Variants in RABGAP1L observed in about 807,000 individuals in gnomAD.
RABGAP1L encodes RAB GTPase activating protein 1 like.
In RABGAP1L, 63 loss-of-function variants were observed where a neutral mutation model predicts 137.7. The observed-to-expected ratio is 0.46, with a 90% confidence interval of 0.37 to 0.56. The LOEUF is 0.56. Ranked by LOEUF, RABGAP1L falls within the 20% of genes least tolerant of loss-of-function variation. The pLI is 0.00. For missense variants in RABGAP1L, 1,095 were observed against 1,244.0 expected (o/e 0.88, Z 1.80); for synonymous variants, 431 against 433.7 (o/e 0.99, Z 0.08).
In RABGAP1L at chr1:174,362,116, A is replaced by T. The variant is rs562952768; in HGVS notation, c.1466-8863A>T. 2.0e-5 allele frequency among the ~76,000 whole-genome samples: 3 copies of T among 151,860 alleles called. No homozygotes were observed. In the East Asian group the frequency reaches 5.8e-4, roughly 29 times the overall value. On this transcript the variant is annotated intron_variant, in intron 11 of 25. Coordinates refer to ENST00000681986, the MANE Select transcript of RABGAP1L (RefSeq NM_001366446.1). ...ATGTCCCTGCAAAGGACATGATCTC[A>T]TTTTTTTTATGGCTACATATTATTC...
intron 13 of RABGAP1L, among the ~76,000 whole-genome samples, chr1:174,621,261 G>T (rs1327307394): frequency 1.3e-5 from 2 of 152,160 alleles, no homozygotes; most frequent in African/African-American, 4.8e-5. Flanking sequence ...TCAATATCGT[G>T]AAAATGGCCA....
chr1:174,536,447 C>T (rs1346141797), intron 13 of RABGAP1L, among the ~76,000 whole-genome samples: 1 of 151,914 alleles, frequency 6.6e-6, no homozygotes, highest in Non-Finnish European at 1.5e-5. Context: ...GAAATTTTGA[C>T]ACATTTCCAG....
intron 13 of RABGAP1L, among the ~76,000 whole-genome samples, chr1:174,584,836 G>T (rs1021053374): frequency 4.5e-5 from 5 of 110,088 alleles, no homozygotes; most frequent in Non-Finnish European, 6.9e-5. Flanking sequence ...GTATGTGTAT[G>T]TGTTTTTTTT....
intron 19 of RABGAP1L, among the ~76,000 whole-genome samples, chr1:174,879,755 A>G (rs547433252): frequency 6.6e-6 from 1 of 152,302 alleles, no homozygotes; most frequent in Non-Finnish European, 1.5e-5. Flanking sequence ...AAAGATTTGC[A>G]AAAAGCAAAA....
intron 13 of RABGAP1L, among the ~76,000 whole-genome samples, chr1:174,456,992 T>A (rs552012110): frequency 6.6e-6 from 1 of 152,302 alleles, no homozygotes; most frequent in South Asian, 2.1e-4. Flanking sequence ...TAAATTGTGG[T>A]TCTATAATAG....
intron 10 of RABGAP1L, among the ~76,000 whole-genome samples, chr1:174,296,184 G>A (rs1677113781): frequency 6.6e-6 from 1 of 152,170 alleles, no homozygotes; most frequent in Non-Finnish European, 1.5e-5. Context: ...AGCTTATTTA[G>A]GGATTTAATT....
intron 11 of RABGAP1L, among the ~76,000 whole-genome samples, chr1:174,362,590 G>A (rs1684241878): frequency 6.6e-6 from 1 of 152,080 alleles, no homozygotes; most frequent in South Asian, 2.1e-4. Flanking sequence ...TTTGAGAGAT[G>A]TTCGTTCATG....
intron 19 of RABGAP1L, among the ~76,000 whole-genome samples, chr1:174,942,645 T>C (rs1381897233): frequency 6.6e-6 from 1 of 152,208 alleles, no homozygotes; most frequent in Admixed American, 6.5e-5. Context: ...GAGGCTAAAA[T>C]GAATTCATAC....
chr1:174,953,035 C>A (rs1187259438), intron 19 of RABGAP1L, among the ~76,000 whole-genome samples: 1,712 of 95,732 alleles, frequency 0.018, no homozygotes, highest in Non-Finnish European at 0.02. Context: ...GGGTGGCATG[C>A]AAAAAAAAAA....
At chr1:174,493,712 T>A (rs1009361141) in intron 13 of RABGAP1L, among the ~76,000 whole-genome samples, 2 of 151,212 alleles carry the variant, frequency 1.3e-5, no homozygotes, top group African/African-American at 4.9e-5. Flanking sequence ...TTTCAGCTAC[T>A]TGGGAGGCTG....
intron 19 of RABGAP1L, among the ~76,000 whole-genome samples, chr1:174,854,285 G>A (rs1648879581): frequency 6.6e-6 from 1 of 152,086 alleles, no homozygotes; most frequent in Non-Finnish European, 1.5e-5. Context: ...TTGACTTCAT[G>A]AATGAATAGT....
At chr1:174,406,291 T>C (rs1051114478) in intron 13 of RABGAP1L, among the ~76,000 whole-genome samples, 1 of 152,194 alleles carries the variant, frequency 6.6e-6, no homozygotes, top group Non-Finnish European at 1.5e-5. Flanking sequence ...AGTATTTTCA[T>C]GTACTTAAGT....
At chr1:174,817,156 T>C (rs1283795184) in intron 19 of RABGAP1L, among the ~76,000 whole-genome samples, 1 of 152,234 alleles carries the variant, frequency 6.6e-6, no homozygotes, top group African/African-American at 2.4e-5. Flanking sequence ...AAATTTTCTG[T>C]TGGTAGAGCT....
chr1:174,465,285 C>T (rs759307395), intron 13 of RABGAP1L, among the ~76,000 whole-genome samples: 4 of 152,252 alleles, frequency 2.6e-5, no homozygotes, highest in East Asian at 1.9e-4. Context: ...CTGTGACCTC[C>T]GCCTCCCGGG....
At chr1:174,202,518 T>C (rs1044035142) in intron 1 of RABGAP1L, among the ~76,000 whole-genome samples, 4 of 152,180 alleles carry the variant, frequency 2.6e-5, no homozygotes, top group Non-Finnish European at 5.9e-5. Context: ...TTCTTGTAAA[T>C]TTGTTTGAGT....
At chr1:174,705,284 A>T (rs1209357729) in intron 17 of RABGAP1L, 12 of 152,118 alleles carry the variant, frequency 7.9e-5, no homozygotes, top group Admixed American at 5.9e-4. Flanking sequence ...GCATCGGAAC[A>T]TTGTCCATGG....
At chr1:174,973,264 T>G (rs1162319384) in intron 21 of RABGAP1L, among the ~76,000 whole-genome samples, 1 of 151,976 alleles carries the variant, frequency 6.6e-6, no homozygotes, top group Non-Finnish European at 1.5e-5. Flanking sequence ...ATGAAGACTG[T>G]TCAGCAGAAA....
intron 10 of RABGAP1L, among the ~76,000 whole-genome samples, chr1:174,303,527 G>A (rs951879468): frequency 6.6e-6 from 1 of 152,182 alleles, no homozygotes; most frequent in African/African-American, 2.4e-5. Context: ...CTTAGCCAAC[G>A]CACATTTATT....
At chr1:174,360,869 T>G (rs976443571) in intron 11 of RABGAP1L, among the ~76,000 whole-genome samples, 6 of 152,208 alleles carry the variant, frequency 3.9e-5, no homozygotes, top group South Asian at 2.1e-4. Context: ...TTTTTAAAAA[T>G]GTTTTGGCCA....
Sources: gnomAD v4.1 joint callset for allele counts (sites outside exome capture counted in the v4.1 genomes callset) on GRCh38, gnomAD v4.1.1 for gene constraint, MANE v1.5 for transcripts, NCBI Gene and HGNC (gene_info 2026-07-23, HGNC 2026-07-21) for gene names.